The following LRRC37B variants were observed in gnomAD, a reference collection of about 807,000 sequenced individuals.
The protein encoded by LRRC37B is leucine-rich repeat-containing protein 37B.
In LRRC37B, 28 loss-of-function variants were observed where a neutral mutation model predicts 98.3. The observed-to-expected ratio is 0.28, with a 90% CI of 0.21 to 0.39. The LOEUF (loss-of-function observed/expected upper bound fraction) is 0.39. Ranked by LOEUF, LRRC37B falls within the 10% of genes least tolerant of loss-of-function variation. The pLI is 1.00. For missense variants in LRRC37B, 938 were observed against 1,182.7 expected (o/e 0.79, Z 3.03); for synonymous variants, 364 against 442.7 (o/e 0.82, Z 2.23).
At chr17:32,013,531 AGTGTTTT>A (rs1910583155) in intron 1 of LRRC37B, among the ~76,000 whole-genome samples, 1 of 150,790 alleles carries the variant, frequency 6.6e-6, no homozygotes, top group East Asian at 1.9e-4. Flanking sequence ...AATATTTTTT[AGTGTTTT>A]GTTTTATTAA....
At chr17:32,039,584 T>C (rs560404163) in intron 7 of LRRC37B, among the ~76,000 whole-genome samples, 261 of 132,872 alleles carry the variant, frequency 2.0e-3, no homozygotes, top group Middle Eastern at 0.011. Flanking sequence ...TATATATATT[T>C]TATATATTTA....
exon 1 of LRRC37B, chr17:32,008,113 C>T: frequency 2.6e-6 from 1 of 390,896 alleles, no homozygotes; most frequent in Non-Finnish European, 5.0e-6. Context: ...CCACGGAAAG[C>T]AGCTTCAGCA....
intron 7 of LRRC37B, chr17:32,042,966 T>C (rs2142258848): frequency 6.6e-6 from 1 of 152,076 alleles, no homozygotes; most frequent in South Asian, 2.1e-4. Flanking sequence ...GCAATGATAA[T>C]ATTAAGTTCC....
chr17:32,023,482 T>A (rs1039058651), intron 1 of LRRC37B, among the ~76,000 whole-genome samples: 3 of 152,162 alleles, frequency 2.0e-5, no homozygotes, highest in Admixed American at 1.3e-4. Flanking sequence ...ATGCTCTAAG[T>A]GGTTAAGAGT....
chr17:32,022,724 C>T (rs146053152), exon 1 of LRRC37B: 313 of 1,613,924 alleles, frequency 1.9e-4, no homozygotes, highest in Non-Finnish European at 6.9e-5. Context: ...TCTGCACCTG[C>T]GGAGATGAGA....
At chr17:32,025,635 G>A (rs1399079827) in intron 2 of LRRC37B, among the ~76,000 whole-genome samples, 2 of 152,040 alleles carry the variant, frequency 1.3e-5, no homozygotes, top group Non-Finnish European at 2.9e-5. Flanking sequence ...GGACTTAGAG[G>A]GTCACCCCAT....
At chr17:32,053,020 G>A in intron 11 of LRRC37B, 1 of 481,308 alleles carries the variant, frequency 2.1e-6, no homozygotes, top group East Asian at 4.2e-5. Context: ...TATACGTAAG[G>A]TATTGAGCAT....
chr17:32,021,090 G>T lies in LRRC37B; in HGVS notation c.25G>T (p.Glu9Ter). 6.2e-7 allele frequency: 1 copy of T among 1,613,796 alleles called. No individual in the cohort carries two copies. Among genetic ancestry groups the T allele is most frequent in the Non-Finnish European group, 8.5e-7 (1 of 1,179,982 alleles). ...CATGGCACACGCTTATAAGGGGCAT[G>T]AGCATCTCAGGGCTGCCAGAATGGC... Residue 9 changes from glutamate to a stop codon, truncating the protein, a stop_gained, in exon 1 of 12, where the codon GAG becomes TAG. Coordinates refer to ENST00000327564, the Ensembl canonical transcript of LRRC37B. LOFTEE classifies it high-confidence loss of function.
At chr17:32,019,128 T>A (rs1246386569), upstream of LRRC37B, among the ~76,000 whole-genome samples, 1 of 152,218 alleles carries the variant, frequency 6.6e-6, no homozygotes, top group Non-Finnish European at 1.5e-5. Flanking sequence ...TTTTTCGCCA[T>A]GTTGGCCAGA....
intron 10 of LRRC37B, among the ~76,000 whole-genome samples, chr17:32,049,646 C>A (rs1317134606): frequency 2.6e-5 from 4 of 152,098 alleles, no homozygotes; most frequent in Non-Finnish European, 5.9e-5. Flanking sequence ...GTGGGTGGAT[C>A]ACTTGAGGTC....
At chr17:32,052,026 C>G (rs1911774665) in intron 11 of LRRC37B, 2 of 151,506 alleles carry the variant, frequency 1.3e-5, no homozygotes, top group Admixed American at 6.6e-5. Context: ...GTGTGCTGCT[C>G]TCTTGATTTT....
At chr17:32,039,686 C>T (rs1911371329) in intron 7 of LRRC37B, among the ~76,000 whole-genome samples, 1 of 148,324 alleles carries the variant, frequency 6.7e-6, no homozygotes, top group Non-Finnish European at 1.5e-5. Context: ...ACCACCACCC[C>T]CCACAATATG....
At chr17:32,046,408 C>T (rs111481451) in intron 8 of LRRC37B, among the ~76,000 whole-genome samples, 20,074 of 142,536 alleles carry the variant, frequency 0.14, no homozygotes, top group African/African-American at 0.28. Context: ...CCTTTCTATT[C>T]GCAGAACAAA....
chr17:32,037,303 G>A (rs1911276778), intron 7 of LRRC37B, among the ~76,000 whole-genome samples: 1 of 147,980 alleles, frequency 6.8e-6, no homozygotes. Flanking sequence ...TTTTGAGACA[G>A]AGTCATTGCT....
upstream of LRRC37B, among the ~76,000 whole-genome samples, chr17:32,018,373 T>G (rs1359972045): frequency 6.6e-6 from 1 of 152,166 alleles, no homozygotes; most frequent in Non-Finnish European, 1.5e-5. Context: ...ACATAGCCAG[T>G]GTAACCATAA....
intron 10 of LRRC37B, among the ~76,000 whole-genome samples, chr17:32,049,635 G>A (rs1401086719): frequency 6.6e-6 from 1 of 152,190 alleles, no homozygotes; most frequent in Non-Finnish European, 1.5e-5. Context: ...GGGAGGCCGA[G>A]GTGGGTGGAT....
intron 1 of LRRC37B, among the ~76,000 whole-genome samples, chr17:32,015,426 G>A (rs1230535326): frequency 6.6e-6 from 1 of 152,134 alleles, no homozygotes; most frequent in African/African-American, 2.4e-5. Context: ...TATTAGTTCT[G>A]GAGTATTAAC....
At chr17:32,045,632 G>A (rs531298735) in intron 7 of LRRC37B, 68 bp from the exon 11 acceptor site, 7 of 1,570,910 alleles carry the variant, frequency 4.5e-6, no homozygotes, top group Non-Finnish European at 4.3e-6. Context: ...GGTAGCGTTG[G>A]CTGCCTCCTT....
At chr17:32,028,835 CAG>C in intron 3 of LRRC37B, 1 of 133,984 alleles carries the variant, frequency 7.5e-6, no homozygotes, top group African/African-American at 2.8e-5. Flanking sequence ...CTTTTGCAGA[CAG>C]ATTCTTTCAA....
Sources: allele counts gnomAD v4.1 joint callset (sites outside exome capture counted in the v4.1 genomes callset), GRCh38; gene constraint gnomAD v4.1.1; transcripts MANE v1.5; gene names NCBI Gene and HGNC (gene_info 2026-07-23, HGNC 2026-07-21).